The following NEK5 variants were observed in gnomAD, a reference collection of about 807,000 sequenced individuals.
NEK5 encodes NIMA related kinase 5.
NEK5 carries 88 observed loss-of-function variants against 109.2 expected under a neutral mutation model. The observed-to-expected ratio is 0.81, with a 90% CI of 0.68 to 0.96. The LOEUF (loss-of-function observed/expected upper bound fraction) is 0.96, where lower values mean the gene tolerates loss of function less well. Ranked by LOEUF, NEK5 falls within the 40% of genes least tolerant of loss-of-function variation. The pLI, the probability that NEK5 is intolerant of heterozygous loss-of-function variation, is 0.00. For missense variants in NEK5, 834 were observed against 920.7 expected (o/e 0.91, Z 1.22); for synonymous variants, 283 against 299.9 (o/e 0.94, Z 0.58).
intron 19 of NEK5, among the ~76,000 whole-genome samples, chr13:52,073,542 C>T (rs1314675746): frequency 1.3e-5 from 2 of 152,132 alleles, no homozygotes; most frequent in African/African-American, 2.4e-5. Context: ...GTCTCAATCT[C>T]CTGATCTCAT....
At chr13:52,126,725 G>A (rs1253534868) in intron 3 of NEK5, among the ~76,000 whole-genome samples, 1 of 152,214 alleles carries the variant, frequency 6.6e-6, no homozygotes, top group Non-Finnish European at 1.5e-5. Context: ...ATTGCAGTGA[G>A]CCAAGATCAT....
Position 52,110,520 on chromosome 13 carries a change from T to C in NEK5, c.370A>G (p.Ile124Val), listed in dbSNP as rs760323879. 1.1e-5 allele frequency: 18 copies of C among 1,612,564 alleles called. No homozygotes were observed. The South Asian group carries it at 2.0e-4, about 18-fold the overall frequency. Residue 124 changes from isoleucine (I) to valine (V), a missense_variant, in exon 6 of 24, where the codon ATA (isoleucine) becomes GTA (valine). Transcript: ENST00000684899. ...TGAGCTTTTATGTCCCTGTGTAATA[T>C]CTTCCTGTCATGAATATGTTTTAGT... ...LGLKHIHDRKILHRDIKAQNI... is the reference protein window; with the variant it reads ...LGLKHIHDRKVLHRDIKAQNI...
chr13:52,056,999 G>C (rs1359051114), intron 22 of NEK5, among the ~76,000 whole-genome samples: 2 of 152,042 alleles, frequency 1.3e-5, no homozygotes, highest in Non-Finnish European at 2.9e-5. Flanking sequence ...AAAAATTAAT[G>C]AATCCAGGAG....
chr13:52,105,377 A>AT (rs956690546), intron 8 of NEK5, among the ~76,000 whole-genome samples: 6 of 151,504 alleles, frequency 4.0e-5, no homozygotes, highest in Admixed American at 2.0e-4. Context: ...AATTTGTGGG[A>AT]TTTTTTTTAA....
At chr13:52,041,770 CA>C (rs1954416815) in intron 23 of NEK5, among the ~76,000 whole-genome samples, 1 of 114,562 alleles carries the variant, frequency 8.7e-6, no homozygotes, top group African/African-American at 3.2e-5. Flanking sequence ...TGGAAAGGAA[CA>C]AAGAAGAGAA....
At chr13:52,060,807 T>A in intron 22 of NEK5, among the ~76,000 whole-genome samples, 1 of 152,200 alleles carries the variant, frequency 6.6e-6, no homozygotes. Flanking sequence ...TTGTAGCACT[T>A]CACACTTGAA....
In NEK5 at chr13:52,104,773, A is replaced by C. The variant is rs559209552; in HGVS notation, c.555-221T>G. ...GATTTCTAGTCAAAGAAAGGCACAC[A>C]AACTTTGCTACAACCTGGTGGCTTA... On this transcript the variant is annotated intron_variant, in intron 8 of 23. Transcript: ENST00000684899. Among the ~76,000 whole-genome samples, 3 of 152,336 alleles carry C rather than the reference A, an allele frequency of 2.0e-5. No homozygotes were observed. In the East Asian group the frequency reaches 5.8e-4, roughly 29 times the overall value.
At chr13:52,059,028 G>A (rs1218555178) in intron 22 of NEK5, among the ~76,000 whole-genome samples, 2 of 120,482 alleles carry the variant, frequency 1.7e-5, no homozygotes, top group African/African-American at 6.3e-5. Context: ...CCTACAAAAT[G>A]GGAGAAAATT....
chr13:52,044,922 T>C (rs2140895232), intron 23 of NEK5, among the ~76,000 whole-genome samples: 1 of 152,140 alleles, frequency 6.6e-6, no homozygotes, highest in South Asian at 2.1e-4. Flanking sequence ...CTAGACAAGG[T>C]GATTCTAATG....
intron 17 of NEK5, among the ~76,000 whole-genome samples, chr13:52,081,513 A>G (rs904060993): frequency 6.6e-6 from 1 of 152,180 alleles, no homozygotes; most frequent in Admixed American, 6.5e-5. Flanking sequence ...GTTTGAAGAT[A>G]TTGATTAGAG....
intron 16 of NEK5, among the ~76,000 whole-genome samples, chr13:52,084,709 A>AAGAGAG (rs879660846): frequency 8.5e-5 from 8 of 93,822 alleles, no homozygotes; most frequent in African/African-American, 2.3e-4. Flanking sequence ...GGCTAATTTA[A>AAGAGAG]AGAGAGAGAG....
intron 12 of NEK5, 121 bp downstream of exon 12, chr13:52,099,622 A>C: frequency 2.0e-6 from 2 of 1,015,672 alleles, no homozygotes; most frequent in South Asian, 3.2e-5. Flanking sequence ...GTGAGCCGAG[A>C]TCGCGCCACT....
Position 52,091,627 on chromosome 13 carries a change from G to A in NEK5, c.1208+1427C>T, listed in dbSNP as rs185459289. 1.3e-4 allele frequency among the ~76,000 whole-genome samples: 20 copies of A among 152,064 alleles called. No individual in the cohort carries two copies. In the East Asian group the frequency reaches 2.7e-3, roughly 21 times the overall value. On this transcript the variant is annotated intron_variant, in intron 13 of 23. Transcript: ENST00000684899. ...ATTTCAACAATAAACAATCAGAGTCGCCAAAGTAACAAATTCTTAACCCTG... is the reference window on the plus strand; with the variant it reads ...ATTTCAACAATAAACAATCAGAGTCACCAAAGTAACAAATTCTTAACCCTG...
chr13:52,042,502 A>C (rs1278233672), intron 23 of NEK5, among the ~76,000 whole-genome samples: 1 of 151,800 alleles, frequency 6.6e-6, no homozygotes, highest in Admixed American at 6.6e-5. Context: ...ATGAAGACAG[A>C]AAAGAAACAA....
chr13:52,122,588 G>A (rs1282643498), intron 3 of NEK5, among the ~76,000 whole-genome samples: 1 of 152,120 alleles, frequency 6.6e-6, no homozygotes, highest in Non-Finnish European at 1.5e-5. Flanking sequence ...CCAACATAGT[G>A]AAAGCCTGTT....
At chr13:52,086,240 C>T (rs1955139263) in intron 16 of NEK5, 37 bp downstream of exon 16, 2 of 1,265,234 alleles carry the variant, frequency 1.6e-6, no homozygotes, top group Admixed American at 1.7e-5. Flanking sequence ...AGCTCTAAAT[C>T]GATAGAACAA....
rs913612803 is a variant in NEK5 at position 52,037,030 on chromosome 13, A to G, written c.2417T>C (p.Ile806Thr). ...AATGTGGTCATTAGATGTAGTAGAA[A>G]TATTCTCCAAGCCCTCCCTTAATTC... ...SEELREGLEN[I>T]STTSNDHICI... The change falls in exon 24 of 24, where the codon ATT becomes ACT. Residue 806 changes from isoleucine to threonine, a missense_variant. Coordinates refer to ENST00000684899, the MANE Select transcript of NEK5 (RefSeq NM_001365552.1). The G allele has an allele frequency of 2.0e-4, 198 of 985,252 alleles. No individual in the cohort carries two copies. The highest frequency in any genetic ancestry group is 1.4e-4 in the South Asian group (3 of 21,294). The allele number at this position is 985,252 out of a possible 1,614,324, so 61.0% of individuals were successfully genotyped here.
rs771852034 is a variant in NEK5 at position 52,127,452 on chromosome 13, C to T, written c.31G>A (p.Gly11Arg). MDKYDVIKAI[G>R]QGAFGKAYLA... The stretch of plus-strand genomic sequence containing the variant: ...TATGCTTTCCCGAAGGCACCTTGCC[C>T]GATGGCCTTAATCACATCGTACTTA... Residue 11 changes from glycine to arginine, a missense_variant, in exon 3 of 24, where the codon GGG (glycine) becomes AGG (arginine). Physicochemically the swap from Gly to Arg is moderately radical, Grantham distance 125. Around this residue, in one of 2 missense-constraint regions of NEK5, gnomAD observed 777 missense variants for 824.7 expected, o/e 0.94. Transcript: ENST00000684899. 11 of 1,611,104 alleles carry T rather than the reference C, an allele frequency of 6.8e-6. No individual in the cohort carries two copies. The highest frequency in any genetic ancestry group is 1.6e-4 in the Middle Eastern group (1 of 6,078).
intron 3 of NEK5, among the ~76,000 whole-genome samples, chr13:52,123,878 C>T (rs897275355): frequency 2.7e-5 from 4 of 147,876 alleles, no homozygotes; most frequent in African/African-American, 7.3e-5. Flanking sequence ...CAGCAGGCAA[C>T]GACCTTGGAA....
Sources: gnomAD v4.1 joint callset for allele counts (sites outside exome capture counted in the v4.1 genomes callset) on GRCh38, gnomAD v4.1.1 for gene constraint, gnomAD v4.1.1 regional missense constraint, MANE v1.5 for transcripts, NCBI Gene and HGNC (gene_info 2026-07-23, HGNC 2026-07-21) for gene names.